Variants in DOCK4 observed in about 807,000 individuals in gnomAD.
DOCK4 encodes the protein dedicator of cytokinesis 4, also known as dedicator of cytokinesis protein 4.
A neutral mutation model predicts 268.1 loss-of-function variants in DOCK4; 97 were observed. The observed-to-expected ratio is 0.36, with a 90% CI of 0.31 to 0.43. The LOEUF (loss-of-function observed/expected upper bound fraction) is 0.43. Among genes scored for constraint, DOCK4 ranks in the 20% least tolerant of loss-of-function variants. The probability of loss-of-function intolerance (pLI) is 1.00; values close to 1 mark genes in which losing one functional copy is unlikely to be tolerated. For synonymous variants in DOCK4, 954 were observed against 887.2 expected (o/e 1.08, Z -1.34); for missense variants, 2,145 against 2,455.7 (o/e 0.87, Z 2.67).
At chr7:112,144,450 T>C (rs951149800) in intron 1 of DOCK4, among the ~76,000 whole-genome samples, 3 of 152,132 alleles carry the variant, frequency 2.0e-5, no homozygotes, top group African/African-American at 7.2e-5. Context: ...TTTAGCACCA[T>C]ATGGCTGAGT....
intron 12 of DOCK4, 125 bp downstream of exon 12, chr7:111,935,415 T>G (rs1379889945): frequency 1.2e-6 from 1 of 808,310 alleles, no homozygotes; most frequent in Non-Finnish European, 2.1e-6. Context: ...CATTGAGCAT[T>G]TTTAAAGTTA....
chr7:111,934,154 A>G (rs769283490), intron 12 of DOCK4, among the ~76,000 whole-genome samples: 5 of 152,236 alleles, frequency 3.3e-5, no homozygotes, highest in Non-Finnish European at 7.3e-5. Flanking sequence ...ATTAAAGCAC[A>G]TGACTGCATA....
At chr7:112,163,929 T>C (rs1157234585) in intron 1 of DOCK4, among the ~76,000 whole-genome samples, 1 of 152,182 alleles carries the variant, frequency 6.6e-6, no homozygotes, top group Non-Finnish European at 1.5e-5. Flanking sequence ...GTTTTGAGCA[T>C]TTATTATGTA....
intron 1 of DOCK4, among the ~76,000 whole-genome samples, chr7:112,012,964 C>T (rs1801478160): frequency 6.6e-6 from 1 of 152,022 alleles, no homozygotes; most frequent in African/African-American, 2.4e-5. Flanking sequence ...CTCAGCAGGC[C>T]AGCCCAGTAT....
At chr7:112,079,351 G>GT (rs1464540275) in intron 1 of DOCK4, among the ~76,000 whole-genome samples, 1 of 152,172 alleles carries the variant, frequency 6.6e-6, no homozygotes, top group African/African-American at 2.4e-5. Flanking sequence ...TGAGCCAACT[G>GT]TATTATGTAA....
At chr7:111,796,885 G>A (rs1043887120) in intron 30 of DOCK4, among the ~76,000 whole-genome samples, 3 of 152,150 alleles carry the variant, frequency 2.0e-5, no homozygotes, top group Non-Finnish European at 4.4e-5. Context: ...CCAGTTCCAT[G>A]GCTTGCAGCA....
chr7:111,777,904 T>C (rs1798554160), intron 36 of DOCK4, among the ~76,000 whole-genome samples: 1 of 152,202 alleles, frequency 6.6e-6, no homozygotes, highest in South Asian at 2.1e-4. Context: ...TGTAAGTCAA[T>C]TAAACCTCTT....
intron 30 of DOCK4, among the ~76,000 whole-genome samples, chr7:111,791,070 T>TATATATATATATATATA (rs1554593887): frequency 1.0e-5 from 1 of 95,438 alleles, no homozygotes; most frequent in Admixed American, 1.0e-4. Flanking sequence ...AAAAAAAAAA[T>TATATATATATATATATA]TATATATATA....
chr7:111,948,273 G>T (rs1482077980), intron 8 of DOCK4, among the ~76,000 whole-genome samples: 1 of 152,058 alleles, frequency 6.6e-6, no homozygotes, highest in Admixed American at 6.6e-5. Context: ...TTTACTCAAG[G>T]TCACAGAGAT....
intron 32 of DOCK4, among the ~76,000 whole-genome samples, chr7:111,784,929 T>C (rs968229879): frequency 2.0e-5 from 3 of 152,212 alleles, no homozygotes; most frequent in Non-Finnish European, 2.9e-5. Context: ...TTCTTACAAG[T>C]ACAGTCTAAG....
chr7:112,051,421 A>C (rs558324292), intron 1 of DOCK4, among the ~76,000 whole-genome samples: 1 of 152,258 alleles, frequency 6.6e-6, no homozygotes, highest in East Asian at 1.9e-4. Flanking sequence ...TAGGTGGAAA[A>C]TTATAATGAT....
At chr7:111,926,648 A>C (rs140225332) in intron 12 of DOCK4, among the ~76,000 whole-genome samples, 5,269 of 149,328 alleles carry the variant, frequency 0.035, 324 homozygotes, top group African/African-American at 0.12. Context: ...TGGTAAAAAC[A>C]CATCTCTACT....
chr7:112,099,498 T>C (rs768846223), intron 1 of DOCK4, among the ~76,000 whole-genome samples: 1 of 152,214 alleles, frequency 6.6e-6, no homozygotes, highest in Non-Finnish European at 1.5e-5. Context: ...ACTCATTCAA[T>C]GCCTGTCCCC....
intron 8 of DOCK4, among the ~76,000 whole-genome samples, chr7:111,947,196 G>A (rs1053191316): frequency 1.3e-5 from 2 of 152,144 alleles, no homozygotes; most frequent in Non-Finnish European, 2.9e-5. Context: ...GTTATCACCC[G>A]ATCCTTGCCT....
intron 8 of DOCK4, among the ~76,000 whole-genome samples, chr7:111,952,911 A>G (rs1406494813): frequency 6.6e-6 from 1 of 152,162 alleles, no homozygotes; most frequent in African/African-American, 2.4e-5. Flanking sequence ...ATATCTGAAA[A>G]AGCAGTCATT....
At chr7:111,760,022 CAGA>C (rs1797277797) in intron 40 of DOCK4, among the ~76,000 whole-genome samples, 156 bp downstream of exon 40, 1 of 152,138 alleles carries the variant, frequency 6.6e-6, no homozygotes, top group Admixed American at 6.5e-5. Context: ...AAGTTCTATT[CAGA>C]AGGAGTTAAG....
chr7:111,757,525 A>C (rs2133567163), intron 41 of DOCK4, among the ~76,000 whole-genome samples: 1 of 152,350 alleles, frequency 6.6e-6, no homozygotes, highest in African/African-American at 2.4e-5. Context: ...AGAAAAAACA[A>C]GAACATGATC....
chr7:112,119,295 C>G (rs1812480721), intron 1 of DOCK4, among the ~76,000 whole-genome samples: 2 of 152,104 alleles, frequency 1.3e-5, no homozygotes, highest in African/African-American at 4.8e-5. Context: ...CCGCTTTTAG[C>G]CTCTGCCCCC....
intron 30 of DOCK4, among the ~76,000 whole-genome samples, chr7:111,796,701 T>C (rs1166855438): frequency 6.6e-6 from 1 of 152,232 alleles, no homozygotes; most frequent in African/African-American, 2.4e-5. Context: ...GCAGGCAATC[T>C]AGCACGTTTC....
Sources: allele counts gnomAD v4.1 joint callset (sites outside exome capture counted in the v4.1 genomes callset), GRCh38; gene constraint gnomAD v4.1.1; transcripts MANE v1.5; gene names NCBI Gene and HGNC (gene_info 2026-07-23, HGNC 2026-07-21).